The following FHAD1 variants were observed in gnomAD, a reference collection of about 807,000 sequenced individuals.
The protein encoded by FHAD1 is forkhead-associated domain-containing protein 1.
FHAD1 carries 146 observed loss-of-function variants against 191.3 expected under a neutral mutation model. That is an observed-to-expected ratio of 0.76 (90% CI 0.67 to 0.88). The LOEUF (loss-of-function observed/expected upper bound fraction) is 0.88, where lower values mean the gene tolerates loss of function less well. Among genes scored for constraint, FHAD1 ranks in the 40% least tolerant of loss-of-function variants. The pLI is 0.00. For synonymous variants in FHAD1, 616 were observed against 672.3 expected (o/e 0.92, Z 1.29); for missense variants, 1,635 against 1,785.8 (o/e 0.92, Z 1.52).
At chr1:15,382,321 T>C in intron 31 of FHAD1, 128 bp downstream of exon 31, 1 of 922,602 alleles carries the variant, frequency 1.1e-6, no homozygotes, top group South Asian at 1.8e-5. Context: ...GGGAGGCAAC[T>C]GGATAGCTTT....
intron 1 of FHAD1, among the ~76,000 whole-genome samples, chr1:15,247,666 A>C (rs1037238072): frequency 4.6e-5 from 7 of 152,050 alleles, no homozygotes; most frequent in African/African-American, 9.7e-5. Flanking sequence ...TGGGGGTTAC[A>C]GCTGGGATTA....
At chr1:15,395,810 T>A (rs541285691) in intron 33 of FHAD1, among the ~76,000 whole-genome samples, 1 of 152,242 alleles carries the variant, frequency 6.6e-6, no homozygotes, top group East Asian at 1.9e-4. Flanking sequence ...TTTTTTTAGC[T>A]CATCAGCTAC....
At chr1:15,294,692 C>T (rs1160933675) in intron 4 of FHAD1, among the ~76,000 whole-genome samples, 1 of 152,164 alleles carries the variant, frequency 6.6e-6, no homozygotes, top group African/African-American at 2.4e-5. Flanking sequence ...CAGGCCTGGC[C>T]CGGCCTGTGC....
Position 15,341,882 on chromosome 1 carries a change from G to A in FHAD1, c.2124G>A (p.Glu708=), listed in dbSNP as rs1048260343. 1.0e-5 allele frequency: 16 copies of A among 1,551,472 alleles called. No homozygotes were observed. Among genetic ancestry groups the A allele is most frequent in the African/African-American group, 1.4e-5 (1 of 73,170 alleles). ...LKAKIRQLTE[E]KAALEEYITQ... Reference sequence around the variant, plus strand: ...CCAAAATCAGGCAACTGACGGAAGAGAAGGCGGTAAGGTGGTCCCTGCCAT... The same window carrying A: ...CCAAAATCAGGCAACTGACGGAAGAAAAGGCGGTAAGGTGGTCCCTGCCAT... Residue 708 remains glutamate (E), a synonymous_variant, in exon 16 of 34, where the codon GAG becomes GAA. Coordinates refer to ENST00000688493, the MANE Select transcript of FHAD1 (RefSeq NM_001391957.1).
In FHAD1 at chr1:15,247,232, G is replaced by A. The variant is rs920430474; in HGVS notation, c.-178G>A. 5 of 166,786 alleles carry A rather than the reference G, an allele frequency of 3.0e-5. No individual in the cohort carries two copies. The highest frequency in any genetic ancestry group is 2.0e-4 in the Admixed American group (3 of 15,330). The allele number at this position is 166,786 out of a possible 1,614,324, so 10.3% of individuals were successfully genotyped here. On this transcript the variant is annotated 5_prime_UTR_variant, in exon 1 of 34. Transcript: ENST00000688493. ...CGCGGCGCCTGGCGGCGTTGCCATG[G>A]CAACGCGCGTACACAGGCCGGCCGG...
At chr1:15,270,229 C>G (rs1449377257) in intron 2 of FHAD1, among the ~76,000 whole-genome samples, 2 of 152,098 alleles carry the variant, frequency 1.3e-5, no homozygotes, top group African/African-American at 4.8e-5. Flanking sequence ...CTCTTTATCC[C>G]CAGTTTTTCT....
intron 2 of FHAD1, among the ~76,000 whole-genome samples, chr1:15,257,986 C>T (rs1294501546): frequency 6.6e-6 from 1 of 152,118 alleles, no homozygotes; most frequent in Non-Finnish European, 1.5e-5. Flanking sequence ...GGATTATGGG[C>T]ATGAGCCACC....
intron 11 of FHAD1, 185 bp downstream of exon 11, chr1:15,324,744 T>C: frequency 1.7e-6 from 1 of 596,868 alleles, no homozygotes; most frequent in Non-Finnish European, 3.0e-6. Flanking sequence ...CTTAACAGGT[T>C]TCTGCTGCTG....
intron 23 of FHAD1, 87 bp downstream of exon 23, chr1:15,362,813 C>A: frequency 9.7e-7 from 1 of 1,026,138 alleles, no homozygotes; most frequent in South Asian, 1.4e-5. Flanking sequence ...CCTACCTGGG[C>A]CACATTGTCA....
chr1:15,318,362 G>A lies in FHAD1; in HGVS notation c.1365+434G>A, dbSNP rs554051482. Among the ~76,000 whole-genome samples the A allele has an allele frequency of 3.9e-5, 6 of 152,288 alleles. No individual in the cohort carries two copies. The East Asian group carries it at 5.8e-4, about 15-fold the overall frequency. On this transcript the variant is annotated intron_variant, in intron 10 of 33. Coordinates refer to ENST00000688493, the MANE Select transcript of FHAD1 (RefSeq NM_001391957.1). The surrounding 1 kb of genome is among the most constrained non-coding windows in gnomAD (Gnocchi z 4.1). ...GGCTATTTACATTTAAATTAAAGCCGGTAGCTCACGCCTGTAATCCCAGCA... is the reference window on the plus strand; with the variant it reads ...GGCTATTTACATTTAAATTAAAGCCAGTAGCTCACGCCTGTAATCCCAGCA...
chr1:15,248,579 CTT>C (rs1372399549), intron 1 of FHAD1, among the ~76,000 whole-genome samples: 10 of 144,984 alleles, frequency 6.9e-5, no homozygotes, highest in East Asian at 2.0e-4. Flanking sequence ...AGGAGATGAC[CTT>C]TTTTTTTTTT....
intron 3 of FHAD1, among the ~76,000 whole-genome samples, chr1:15,285,123 C>T (rs371464510): frequency 6.6e-6 from 1 of 152,120 alleles, no homozygotes. Context: ...CTTGTAGTTA[C>T]CAGCAGCAAT....
At chr1:15,366,328 T>C in intron 24 of FHAD1, among the ~76,000 whole-genome samples, 1 of 124,754 alleles carries the variant, frequency 8.0e-6, no homozygotes, top group African/African-American at 3.0e-5. Context: ...AACCTTGGCA[T>C]AAAAAATCCT....
Position 15,352,277 on chromosome 1 carries a change from C to CAG in FHAD1, c.2455-600_2455-599insAG, listed in dbSNP as rs1691170861. ...CAGCTGCAGATAGAGTTTTTCAAACCCTCCCTAGCTGTTTACCTCCCAGGG... is the reference window on the plus strand; with the variant it reads ...CAGCTGCAGATAGAGTTTTTCAAACCAGCTCCCTAGCTGTTTACCTCCCAGGG... On this transcript the variant is annotated intron_variant, in intron 19 of 33. Coordinates refer to ENST00000688493, the MANE Select transcript of FHAD1 (RefSeq NM_001391957.1). Among the ~76,000 whole-genome samples the CAG allele has an allele frequency of 3.3e-5, 5 of 152,202 alleles. No homozygotes were observed. The South Asian group carries it at 1.0e-3, about 32-fold the overall frequency.
intron 2 of FHAD1, among the ~76,000 whole-genome samples, chr1:15,254,809 C>T (rs1467910899): frequency 3.3e-5 from 5 of 152,140 alleles, no homozygotes; most frequent in Non-Finnish European, 1.5e-5. Context: ...TATATCTTCT[C>T]TTAGACAAAT....
intron 23 of FHAD1, chr1:15,363,731 T>G (rs1411325883): frequency 2.2e-6 from 1 of 456,358 alleles, no homozygotes. Context: ...CTCCTGACCC[T>G]GAAAGCCAGT....
Position 15,345,449 on chromosome 1 carries a change from A to G in FHAD1, c.2272A>G (p.Arg758Gly). 1.3e-6 allele frequency: 2 copies of G among 1,552,386 alleles called. No homozygotes were observed. Among genetic ancestry groups the G allele is most frequent in the Non-Finnish European group, 1.7e-6 (2 of 1,147,140 alleles). ...GAAAAGCATTACCCAGGAGAAGAAC[A>G]GAGTGAAGGAAGCATTAGAGGAAGA... is the stretch of plus-strand genomic sequence containing the variant. ...LAKSITQEKN[R>G]VKEALEEEQT... The change falls in exon 18 of 34, where the codon AGA (arginine) becomes GGA (glycine). Residue 758 changes from arginine to glycine, a missense_variant. Transcript: ENST00000688493.
At chr1:15,293,483 G>T (rs2100691805) in intron 4 of FHAD1, among the ~76,000 whole-genome samples, 1 of 152,216 alleles carries the variant, frequency 6.6e-6, no homozygotes, top group Admixed American at 6.5e-5. Context: ...ACTTTGGGAG[G>T]CCAAGGAGGG....
At chr1:15,297,874 GTTTTC>G (rs1195878781) in intron 5 of FHAD1, among the ~76,000 whole-genome samples, 2 of 151,706 alleles carry the variant, frequency 1.3e-5, no homozygotes, top group Non-Finnish European at 2.9e-5. Context: ...GTTTTTATTA[GTTTTC>G]TTTTTTTTAA....
Sources: allele counts gnomAD v4.1 joint callset (sites outside exome capture counted in the v4.1 genomes callset), GRCh38; gene constraint gnomAD v4.1.1; non-coding constraint Gnocchi (gnomAD v3.1); transcripts MANE v1.5; gene names NCBI Gene and HGNC (gene_info 2026-07-23, HGNC 2026-07-21).